The following CCDC141 variants were observed in gnomAD, a reference collection of about 807,000 sequenced individuals.
The protein encoded by CCDC141 is coiled-coil domain containing 141, also known as coiled-coil domain-containing protein 141.
In CCDC141, 168 loss-of-function variants were observed where a neutral mutation model predicts 181.0. The ratio of observed to expected loss-of-function variants is 0.93; its 90% CI spans 0.82 to 1.05. The LOEUF (loss-of-function observed/expected upper bound fraction) is 1.05, where lower values mean the gene tolerates loss of function less well. Ranked by LOEUF, CCDC141 falls within the 50% of genes least tolerant of loss-of-function variation. The pLI is 0.00. For missense variants in CCDC141, 1,902 were observed against 1,788.5 expected (o/e 1.06, Z -1.14); for synonymous variants, 666 against 642.3 (o/e 1.04, Z -0.56).
chr2:178,868,009 T>C lies in CCDC141; in HGVS notation c.2574+17A>G, dbSNP rs1447955571. 4.4e-6 allele frequency: 7 copies of C among 1,587,736 alleles called. No individual in the cohort carries two copies. In the African/African-American group the frequency reaches 8.0e-5, roughly 18 times the overall value. ...AGCTAGAACTGAGTCTAAATGATAG[T>C]GTTATTAGATGCTTACAGGCCGCTG... On this transcript the variant is annotated intron_variant, in intron 16 of 23. Transcript: ENST00000443758.
At position 178,986,857 on chromosome 2, in the gene CCDC141, A is replaced by C. The variant is rs905458792; in HGVS notation, c.226-8182T>G. Among the ~76,000 whole-genome samples, 20 of 151,514 alleles carry C rather than the reference A, an allele frequency of 1.3e-4. No individual in the cohort carries two copies. The East Asian group carries it at 3.7e-3, about 28-fold the overall frequency. On this transcript the variant is annotated intron_variant, in intron 2 of 23. Transcript: ENST00000443758. ...GGAAGAACATTCCATGCTCATGGGTAGGAAGAATCAATATCGTGAAAATGG... is the reference window on the plus strand; with the variant it reads ...GGAAGAACATTCCATGCTCATGGGTCGGAAGAATCAATATCGTGAAAATGG...
chr2:178,882,251 A>G (rs533690223), intron 11 of CCDC141, among the ~76,000 whole-genome samples: 1 of 152,110 alleles, frequency 6.6e-6, no homozygotes, highest in African/African-American at 2.4e-5. Context: ...CGTGCTTGTA[A>G]TCCCAGCTAC....
intron 21 of CCDC141, among the ~76,000 whole-genome samples, chr2:178,849,653 T>C (rs1441533097): frequency 6.6e-6 from 1 of 152,176 alleles, no homozygotes; most frequent in Non-Finnish European, 1.5e-5. Context: ...TACCTGAAGA[T>C]TACTTGTATT....
chr2:178,823,110 A>G, the CCDC141 span, among the ~76,000 whole-genome samples: 2 of 152,142 alleles, frequency 1.3e-5, no homozygotes, highest in Non-Finnish European at 2.9e-5. Flanking sequence ...CATAAAACAA[A>G]CCACTACTCT....
chr2:178,914,738 C>G (rs1688367602), intron 7 of CCDC141, among the ~76,000 whole-genome samples: 1 of 151,974 alleles, frequency 6.6e-6, no homozygotes, highest in African/African-American at 2.4e-5. Context: ...ATAGCAGTGG[C>G]TCAATAAATA....
At chr2:178,824,897 A>G (rs954789950), downstream of CCDC141, among the ~76,000 whole-genome samples, 1 of 152,124 alleles carries the variant, frequency 6.6e-6, no homozygotes, top group Non-Finnish European at 1.5e-5. Flanking sequence ...ATACTACTAT[A>G]TTTACAAGGC....
At chr2:178,903,514 C>G (rs1036688919) in intron 8 of CCDC141, among the ~76,000 whole-genome samples, 4 of 148,406 alleles carry the variant, frequency 2.7e-5, no homozygotes. Context: ...GAACAAAAAA[C>G]CAAACACCGC....
At position 178,878,035 on chromosome 2, in the gene CCDC141, A is replaced by C. The variant is rs757262655; in HGVS notation, c.1828T>G (p.Trp610Gly). The C allele has an allele frequency of 4.6e-5, 75 of 1,613,792 alleles. No homozygotes were observed. The highest frequency in any genetic ancestry group is 6.1e-5 in the Non-Finnish European group (72 of 1,179,850). ...AAACTCTTCTTTAAAAATAGCTGCC[A>C]CTGCTTCTCAGCCGAGTCAGAACAA... is the stretch of plus-strand genomic sequence containing the variant. ...KHCSDSAEKQ[W>G]QLFLKKSFIT... Residue 610 changes from tryptophan (W) to glycine (G), a missense_variant, in exon 12 of 24, where the codon TGG becomes GGG. By Grantham distance (184) the Trp-to-Gly change is radical. Transcript: ENST00000443758.
chr2:178,902,103 A>G lies in CCDC141; in HGVS notation c.1265+3226T>C, dbSNP rs1356923373. ...ACAAACCACTGCTCAATGAAATAAA[A>G]GAGTATACAAACAAATGGAAGAACA... is the stretch of plus-strand genomic sequence containing the variant. On this transcript the variant is annotated intron_variant, in intron 8 of 23. Transcript: ENST00000443758. 6.6e-5 allele frequency among the ~76,000 whole-genome samples: 10 copies of G among 152,330 alleles called. No homozygotes were observed. The East Asian group carries it at 1.9e-3, about 29-fold the overall frequency.
intron 1 of CCDC141, 82 bp downstream of exon 1, chr2:179,049,758 A>T (rs963697565): frequency 1.4e-6 from 2 of 1,455,984 alleles, no homozygotes; most frequent in East Asian, 2.5e-5. Flanking sequence ...TGTCCTGCCG[A>T]TTGCATGGAA....
chr2:178,963,350 G>T (rs1186946313), intron 4 of CCDC141, among the ~76,000 whole-genome samples: 2 of 152,148 alleles, frequency 1.3e-5, no homozygotes, highest in Non-Finnish European at 2.9e-5. Flanking sequence ...TGAGACATTT[G>T]TTATTAGAAG....
chr2:179,017,620 A>G (rs1346906058), intron 2 of CCDC141, among the ~76,000 whole-genome samples: 1 of 152,148 alleles, frequency 6.6e-6, no homozygotes, highest in Non-Finnish European at 1.5e-5. Flanking sequence ...GTGAAAAAAT[A>G]CACTTCAATC....
chr2:178,939,975 C>G (rs1033467703), intron 6 of CCDC141, among the ~76,000 whole-genome samples: 1 of 152,078 alleles, frequency 6.6e-6, no homozygotes, highest in African/African-American at 2.4e-5. Flanking sequence ...CACTGAAATA[C>G]AGAAGAAGCA....
chr2:178,850,152 T>C lies in CCDC141; in HGVS notation c.3254A>G (p.Glu1085Gly). ...TATTTTCTCAATATATTTCTGTCCTTCTTCCAAACCTGGGGAGGAGAAGGA... is the reference window on the plus strand; with the variant it reads ...TATTTTCTCAATATATTTCTGTCCTCCTTCCAAACCTGGGGAGGAGAAGGA... ...DLAQHLYGLE[E>G]GQKYIEKIVT... The change falls in exon 21 of 24, where the codon GAA (glutamate) becomes GGA (glycine). Residue 1085 changes from glutamate (E) to glycine (G), a missense_variant. Physicochemically the swap from Glu to Gly is moderately conservative, Grantham distance 98 (BLOSUM62 -2). Transcript: ENST00000443758. The C allele has an allele frequency of 6.3e-7, 1 of 1,589,880 alleles. No individual in the cohort carries two copies. Among genetic ancestry groups the C allele is most frequent in the Non-Finnish European group, 8.6e-7 (1 of 1,161,394 alleles).
intron 17 of CCDC141, among the ~76,000 whole-genome samples, chr2:178,856,901 T>C (rs749407793): frequency 6.6e-6 from 1 of 152,130 alleles, no homozygotes; most frequent in African/African-American, 2.4e-5. Context: ...TGATTTTCAT[T>C]ATAAAACAAA....
intron 23 of CCDC141, 37 bp downstream of exon 23, chr2:178,836,857 T>C (rs1201332011): frequency 1.3e-6 from 2 of 1,568,722 alleles, no homozygotes; most frequent in African/African-American, 2.8e-5. Context: ...TGATTGAATT[T>C]GTTTCCATTT....
chr2:179,008,924 GA>G (rs1468327745), intron 2 of CCDC141, among the ~76,000 whole-genome samples: 2 of 152,174 alleles, frequency 1.3e-5, no homozygotes, highest in Non-Finnish European at 2.9e-5. Flanking sequence ...AAGATAAAGA[GA>G]AACCTCCTTT....
At chr2:178,882,061 GA>G (rs1026392533) in intron 11 of CCDC141, among the ~76,000 whole-genome samples, 4 of 151,868 alleles carry the variant, frequency 2.6e-5, no homozygotes, top group African/African-American at 9.7e-5. Flanking sequence ...AGAAGCAATG[GA>G]AAAGAAACCT....
intron 8 of CCDC141, among the ~76,000 whole-genome samples, chr2:178,901,745 A>T (rs564350235): frequency 3.6e-3 from 548 of 151,700 alleles, no homozygotes; most frequent in Middle Eastern, 6.8e-3. Flanking sequence ...TAGTGTTGGA[A>T]GTTCTGGCCA....
Sources: gnomAD v4.1 joint callset for allele counts (sites outside exome capture counted in the v4.1 genomes callset) on GRCh38, gnomAD v4.1.1 for gene constraint, MANE v1.5 for transcripts, NCBI Gene and HGNC (gene_info 2026-07-23, HGNC 2026-07-21) for gene names.